Variants in SAMD5 observed in about 807,000 individuals in gnomAD.
SAMD5 encodes sterile alpha motif domain-containing protein 5.
In SAMD5, 13 loss-of-function variants were observed where a neutral mutation model predicts 11.3. The observed-to-expected ratio is 1.15, with a 90% confidence interval of 0.75 to 1.83. The LOEUF (loss-of-function observed/expected upper bound fraction) is 1.83. Among genes scored for constraint, SAMD5 ranks in the 40% most tolerant of loss-of-function variants. The pLI is 0.00. For missense variants in SAMD5, 255 were observed against 239.1 expected, an observed-to-expected ratio of 1.07 and a Z score of -0.44; for synonymous variants, 129 against 111.3, an observed-to-expected ratio of 1.16 and a Z score of -1.00.
At chr6:147,557,550 C>A (rs888013180) in intron 1 of SAMD5, among the ~76,000 whole-genome samples, 2 of 152,176 alleles carry the variant, frequency 1.3e-5, no homozygotes, top group African/African-American at 4.8e-5. Context: ...CCACTTTCAC[C>A]TGGCCTCTTG....
the SAMD5 span, among the ~76,000 whole-genome samples, chr6:147,800,761 T>A: frequency 1.3e-5 from 2 of 152,248 alleles, no homozygotes; most frequent in African/African-American, 4.8e-5. Context: ...ATAATAGTTT[T>A]CATGATGAAT....
At position 147,508,911 on chromosome 6, in the gene SAMD5, G is replaced by C; in HGVS notation, c.-18G>C. The C allele has an allele frequency of 8.2e-6, 13 of 1,584,444 alleles. No individual in the cohort carries two copies. Among genetic ancestry groups the C allele is most frequent in the Non-Finnish European group, 1.1e-5 (13 of 1,166,616 alleles). On this transcript the variant is annotated 5_prime_UTR_variant, in exon 1 of 2. Coordinates refer to ENST00000367474, the MANE Select transcript of SAMD5 (RefSeq NM_001030060.3). ...GGGCGCTGGGAAGGTGCTCGGCGGC[G>C]GGGTTCCCGGTCCCACCATGTGCAC...
chr6:147,846,184 C>A, the SAMD5 span, among the ~76,000 whole-genome samples: 1 of 151,606 alleles, frequency 6.6e-6, no homozygotes, highest in African/African-American at 2.4e-5. Context: ...ATAAACATTA[C>A]AGAAATGAAA....
the SAMD5 span, among the ~76,000 whole-genome samples, chr6:147,844,326 C>G: frequency 6.6e-6 from 1 of 152,030 alleles, no homozygotes; most frequent in African/African-American, 2.4e-5. Context: ...TGGCTATTAT[C>G]AAAAAGATGA....
intron 1 of SAMD5, among the ~76,000 whole-genome samples, chr6:147,534,276 C>T (rs1014379334): frequency 3.3e-5 from 5 of 152,048 alleles, no homozygotes; most frequent in Admixed American, 2.0e-4. Flanking sequence ...GAGTCACGGG[C>T]GAAAGGACTG....
the SAMD5 span, among the ~76,000 whole-genome samples, chr6:147,924,552 A>G: frequency 3.3e-5 from 5 of 152,070 alleles, no homozygotes; most frequent in African/African-American, 4.8e-5. Context: ...GGTCAACTAA[A>G]TCCTTTATTA....
intron 1 of SAMD5, among the ~76,000 whole-genome samples, chr6:147,548,450 T>G (rs561922602): frequency 6.6e-5 from 10 of 152,236 alleles, no homozygotes; most frequent in Non-Finnish European, 1.5e-4. Flanking sequence ...TACAGAATTA[T>G]GTGTTCCCTG....
rs766285719 is a variant in SAMD5, at chr6:147,526,213, G to A, written c.459+16826G>A. Among the ~76,000 whole-genome samples the A allele has an allele frequency of 4.3e-4, 66 of 152,190 alleles. 1 individual carries two copies. The highest frequency in any genetic ancestry group is 8.5e-4 in the Non-Finnish European group (58 of 68,040). On this transcript the variant is annotated intron_variant, in intron 1 of 1. Transcript: ENST00000367474. ...GGAGTTTTATAGGCTTAGGTTTTGT[G>A]AGTTTCATATTTGTGTTTAATTGTG...
the SAMD5 span, among the ~76,000 whole-genome samples, chr6:147,927,978 G>C: frequency 6.6e-6 from 1 of 152,104 alleles, no homozygotes; most frequent in Non-Finnish European, 1.5e-5. Flanking sequence ...TTATTAATTT[G>C]TGCGTGTTAA....
the SAMD5 span, among the ~76,000 whole-genome samples, chr6:147,847,309 A>C: frequency 6.6e-6 from 1 of 152,240 alleles, no homozygotes; most frequent in Non-Finnish European, 1.5e-5. Flanking sequence ...AACTCTAAGC[A>C]GAAACTGCTG....
chr6:147,605,404 C>T (rs2128448579), intron 1 of SAMD5, among the ~76,000 whole-genome samples: 1 of 152,278 alleles, frequency 6.6e-6, no homozygotes, highest in Middle Eastern at 3.4e-3. Flanking sequence ...TATGAACCTC[C>T]ATACCTGGCC....
the SAMD5 span, among the ~76,000 whole-genome samples, chr6:147,804,524 G>T: frequency 6.6e-6 from 1 of 152,158 alleles, no homozygotes; most frequent in Non-Finnish European, 1.5e-5. Context: ...CATAACAACT[G>T]CTTGTTTAAT....
intron 1 of SAMD5, among the ~76,000 whole-genome samples, chr6:147,582,700 T>G (rs1418202787): frequency 6.6e-6 from 1 of 152,212 alleles, no homozygotes; most frequent in African/African-American, 2.4e-5. Context: ...GCACAATACT[T>G]GTTTTGGCTT....
the SAMD5 span, among the ~76,000 whole-genome samples, chr6:147,896,317 A>G: frequency 1.3e-5 from 2 of 151,832 alleles, no homozygotes; most frequent in African/African-American, 2.4e-5. Flanking sequence ...AGAGACGTTC[A>G]GAATAACAAC....
intron 1 of SAMD5, among the ~76,000 whole-genome samples, chr6:147,603,190 G>C (rs1283980519): frequency 6.6e-6 from 1 of 152,124 alleles, no homozygotes; most frequent in Non-Finnish European, 1.5e-5. Flanking sequence ...AGTTATTTCA[G>C]GGTAATTACA....
the SAMD5 span, among the ~76,000 whole-genome samples, chr6:147,847,964 C>G: frequency 6.6e-6 from 1 of 152,204 alleles, no homozygotes; most frequent in African/African-American, 2.4e-5. Flanking sequence ...TTTGCAGAAT[C>G]TCTATAAGAG....
At chr6:147,656,877 A>T (rs989620237) in intron 1 of SAMD5, among the ~76,000 whole-genome samples, 7 of 148,984 alleles carry the variant, frequency 4.7e-5, no homozygotes, top group Non-Finnish European at 1.0e-4. Flanking sequence ...CTCTAAAGAT[A>T]AACCTCCAAC....
intron 1 of SAMD5, among the ~76,000 whole-genome samples, chr6:147,615,115 T>TA (rs1425912047): frequency 6.6e-6 from 1 of 152,010 alleles, no homozygotes; most frequent in Non-Finnish European, 1.5e-5. Flanking sequence ...TGCAAATATA[T>TA]ACCACTTTAT....
the SAMD5 span, among the ~76,000 whole-genome samples, chr6:147,855,684 AAAAAAT>A: frequency 6.6e-6 from 1 of 151,170 alleles, no homozygotes; most frequent in Non-Finnish European, 1.5e-5. Flanking sequence ...CAAAAAAATA[AAAAAAT>A]AAAAGAACCC....
Sources: gnomAD v4.1 joint callset for allele counts (sites outside exome capture counted in the v4.1 genomes callset) on GRCh38, gnomAD v4.1.1 for gene constraint, MANE v1.5 for transcripts, NCBI Gene and HGNC (gene_info 2026-07-23, HGNC 2026-07-21) for gene names.